The following RD3 variants were observed in gnomAD, a reference collection of about 807,000 sequenced individuals.
RD3 encodes RD3 regulator of GUCY2D.
A neutral mutation model predicts 16.9 loss-of-function variants in RD3; 11 were observed. The ratio of observed to expected loss-of-function variants is 0.65; its 90% CI spans 0.41 to 1.08. RD3 has a LOEUF of 1.08. RD3 is among the 50% of genes least tolerant of loss of function. The pLI is 0.00. For synonymous variants in RD3, 116 were observed against 114.8 expected (o/e 1.01, Z -0.07); for missense variants, 274 against 267.4 (o/e 1.02, Z -0.17).
intron 2 of RD3, 143 bp from the exon 3 acceptor site, chr1:211,479,470 A>AC: frequency 1.4e-6 from 1 of 727,278 alleles, no homozygotes; most frequent in Non-Finnish European, 2.2e-6. Flanking sequence ...ATCAGGAACC[A>AC]CCCCACGCTG....
At chr1:211,485,010 G>T (rs930441033) in intron 1 of RD3, among the ~76,000 whole-genome samples, 1 of 152,240 alleles carries the variant, frequency 6.6e-6, no homozygotes, top group Non-Finnish European at 1.5e-5. Context: ...GAAGGGAAGT[G>T]CCCACAGGGT....
At chr1:211,491,154 G>T (rs1445218449) in intron 1 of RD3, among the ~76,000 whole-genome samples, 1 of 152,154 alleles carries the variant, frequency 6.6e-6, no homozygotes, top group Non-Finnish European at 1.5e-5. Flanking sequence ...TTTCCTTCTA[G>T]GCCCGATCTC....
At chr1:211,487,797 G>A (rs556407600) in intron 1 of RD3, among the ~76,000 whole-genome samples, 1 of 152,248 alleles carries the variant, frequency 6.6e-6, no homozygotes, top group Admixed American at 6.5e-5. Flanking sequence ...GAGGCGCAGG[G>A]CTGAGTTCTC....
Position 211,485,017 on chromosome 1 carries a change from G to A in RD3, c.-11-3591C>T, listed in dbSNP as rs139371733. 2.1e-3 allele frequency among the ~76,000 whole-genome samples: 319 copies of A among 152,374 alleles called. 1 individual carries two copies. Among genetic ancestry groups the A allele is most frequent in the African/African-American group, 7.2e-3 (301 of 41,588 alleles). On this transcript the variant is annotated intron_variant, in intron 1 of 2. Coordinates refer to ENST00000680073, the MANE Select transcript of RD3 (RefSeq NM_001164688.2). ...CTGACCTCGAAGGGAAGTGCCCACA[G>A]GGTGGCATGTCTCCTGGACCCCCAG...
chr1:211,486,859 A>T (rs943970977), intron 1 of RD3, among the ~76,000 whole-genome samples: 1 of 152,246 alleles, frequency 6.6e-6, no homozygotes, highest in Admixed American at 6.5e-5. Flanking sequence ...AAGAAAAGAA[A>T]AAAAGAAAAC....
intron 1 of RD3, among the ~76,000 whole-genome samples, chr1:211,488,261 G>C (rs186086519): frequency 1.4e-4 from 21 of 152,288 alleles, no homozygotes; most frequent in African/African-American, 5.1e-4. Context: ...GAGGCCGGGA[G>C]CGGTGGCTCA....
At chr1:211,481,547 C>A in intron 1 of RD3, 121 bp from the exon 2 acceptor site, 1 of 868,308 alleles carries the variant, frequency 1.2e-6, no homozygotes, top group South Asian at 1.6e-5. Flanking sequence ...CTGCTCTGCC[C>A]TAACAGTTGA....
chr1:211,482,981 G>T (rs1705306492), intron 1 of RD3, among the ~76,000 whole-genome samples: 1 of 151,858 alleles, frequency 6.6e-6, no homozygotes, highest in Non-Finnish European at 1.5e-5. Flanking sequence ...GCATTTTTAG[G>T]CCACCCTCCC....
At chr1:211,487,701 G>A (rs1705401593) in intron 1 of RD3, among the ~76,000 whole-genome samples, 1 of 152,216 alleles carries the variant, frequency 6.6e-6, no homozygotes. Flanking sequence ...GCTCATTTCT[G>A]CTGCTGTGTC....
rs1226429824 is a variant in RD3, at chr1:211,478,319, T to C, written c.*717A>G. 2.5e-6 allele frequency: 1 copy of C among 396,802 alleles called. No homozygotes were observed. The highest frequency in any genetic ancestry group is 2.1e-5 in the African/African-American group (1 of 48,546). 24.6% of individuals were successfully genotyped at this position (396,802 alleles called of 1,614,324 possible). A position where few individuals can be genotyped will look rare whatever the true frequency, so the allele number is the denominator to read the frequency against. On this transcript the variant is annotated 3_prime_UTR_variant, in exon 3 of 3. Transcript: ENST00000680073. ...GGTAAGAGATGGATCAGGCCACAGG[T>C]AGGTAGAGATGTAGCCTTTGGACCT...
chr1:211,481,306 A>G lies in RD3; in HGVS notation c.110T>C (p.Met37Thr). The G allele has an allele frequency of 6.2e-7, 1 of 1,614,216 alleles. No homozygotes were observed. The highest frequency in any genetic ancestry group is 8.5e-7 in the Non-Finnish European group (1 of 1,180,054). The change falls in exon 2 of 3, where the codon ATG becomes ACG. Residue 37 changes from methionine to threonine, a missense_variant. By Grantham distance (81) the Met-to-Thr change is moderately conservative. Coordinates refer to ENST00000680073, the MANE Select transcript of RD3 (RefSeq NM_001164688.2). Reference sequence around the variant, plus strand: ...CCGCTGCTGCCTCTCAGCCTCTCGCATCTGCCCCGTCAGCTCCATCATAAG... The same window carrying G: ...CCGCTGCTGCCTCTCAGCCTCTCGCGTCTGCCCCGTCAGCTCCATCATAAG... ...ETLMMELTGQ[M>T]REAERQQRER... is the part of the protein sequence containing the mutation.
At chr1:211,485,429 T>G (rs551810497) in intron 1 of RD3, among the ~76,000 whole-genome samples, 20 of 152,182 alleles carry the variant, frequency 1.3e-4, no homozygotes, top group Admixed American at 3.3e-4. Flanking sequence ...GGCTCTTCAG[T>G]GGGTCCGATT....
At chr1:211,488,805 C>T (rs1430319158) in intron 1 of RD3, among the ~76,000 whole-genome samples, 5 of 152,144 alleles carry the variant, frequency 3.3e-5, no homozygotes, top group African/African-American at 1.2e-4. Context: ...TTCCCTCTCC[C>T]CATATTCCCT....
rs1484417420 is a variant in RD3, at chr1:211,479,033, G to A, written c.*3C>T. ...CCGCTTCTGGGCAGGGAAGCGGCCG[G>A]GGTCAGTCGGCTTTGGGCGCCCGGA... On this transcript the variant is annotated 3_prime_UTR_variant, in exon 3 of 3. Transcript: ENST00000680073. 1 of 1,595,086 alleles carries A rather than the reference G, an allele frequency of 6.3e-7. No individual in the cohort carries two copies. The highest frequency in any genetic ancestry group is 1.3e-5 in the African/African-American group (1 of 74,736).
At chr1:211,486,438 G>T (rs969575572) in intron 1 of RD3, among the ~76,000 whole-genome samples, 3 of 152,164 alleles carry the variant, frequency 2.0e-5, no homozygotes, top group African/African-American at 7.2e-5. Context: ...GGCAGAGGTT[G>T]CAGTGAGCTG....
chr1:211,489,388 C>A (rs968392162), intron 1 of RD3, among the ~76,000 whole-genome samples: 1 of 151,526 alleles, frequency 6.6e-6, no homozygotes, highest in African/African-American at 2.4e-5. Flanking sequence ...AGCCCCATGG[C>A]TTTATCTCCA....
intron 1 of RD3, among the ~76,000 whole-genome samples, chr1:211,485,747 C>T (rs1705361083): frequency 6.6e-6 from 1 of 152,184 alleles, no homozygotes; most frequent in Admixed American, 6.5e-5. Flanking sequence ...CACCACCTGG[C>T]GAGTGGCAGC....
At position 211,477,728 on chromosome 1, in the gene RD3, C is replaced by CAG. The variant is rs142577368; in HGVS notation, c.*1307_*1308insCT. ...AACTTTTTTCCACTGAGGGAATACA[C>CAG]ACTTTTCCCCCCTGTTGATTATATC... On this transcript the variant is annotated 3_prime_UTR_variant, in exon 3 of 3. Coordinates refer to ENST00000680073, the MANE Select transcript of RD3 (RefSeq NM_001164688.2). The CAG allele has an allele frequency of 0.17, 32,058 of 186,412 alleles. 3,674 individuals carry two copies. The highest frequency in any genetic ancestry group is 0.32 in the African/African-American group (13,708 of 42,778). The allele number at this position is 186,412 out of a possible 1,614,324, so 11.5% of individuals were successfully genotyped here.
Position 211,479,051 on chromosome 1 carries a change from C to A in RD3, c.573G>T (p.Ala191=). The change falls in exon 3 of 3, where the codon GCG becomes GCT. Residue 191 remains alanine (A), a synonymous_variant. Coordinates refer to ENST00000680073, the MANE Select transcript of RD3 (RefSeq NM_001164688.2). ...GCGGCCGGGGTCAGTCGGCTTTGGG[C>A]GCCCGGAATTCGGGCATGCTCCAGG... ...LRSWSMPEFR[A]PKAD is the part of the protein sequence containing the mutation. The A allele has an allele frequency of 6.2e-7, 1 of 1,600,480 alleles. No homozygotes were observed.
Sources: allele counts gnomAD v4.1 joint callset (sites outside exome capture counted in the v4.1 genomes callset), GRCh38; gene constraint gnomAD v4.1.1; transcripts MANE v1.5; gene names NCBI Gene and HGNC (gene_info 2026-07-23, HGNC 2026-07-21).